Variants in SRGAP3 observed in about 807,000 individuals in gnomAD.
SRGAP3 encodes the protein SLIT-ROBO Rho GTPase activating protein 3, also known as SLIT-ROBO Rho GTPase-activating protein 3.
Under a neutral mutation model 121.1 loss-of-function variants are expected in SRGAP3, and 39 were observed. The ratio of observed to expected loss-of-function variants is 0.32; its 90% CI spans 0.25 to 0.42. SRGAP3 has a LOEUF of 0.42. SRGAP3 is among the 10% of genes least tolerant of loss of function. The probability of loss-of-function intolerance (pLI) is 1.00; values close to 1 mark genes in which losing one functional copy is unlikely to be tolerated. For missense variants in SRGAP3, 1,213 were observed against 1,470.6 expected, an observed-to-expected ratio of 0.82 and a Z score of 2.86; for synonymous variants, 601 against 570.0, an observed-to-expected ratio of 1.05 and a Z score of -0.77.
At chr3:9,163,090 A>G (rs1950652559) in intron 1 of SRGAP3, among the ~76,000 whole-genome samples, 1 of 152,224 alleles carries the variant, frequency 6.6e-6, no homozygotes, top group Non-Finnish European at 1.5e-5. Flanking sequence ...AGGTAGAACA[A>G]TTCCTGGGAC....
chr3:9,093,109 T>C (rs1947822601), intron 3 of SRGAP3, among the ~76,000 whole-genome samples: 1 of 152,174 alleles, frequency 6.6e-6, no homozygotes, highest in Non-Finnish European at 1.5e-5. Flanking sequence ...CTGCTCAGTT[T>C]TGAGAGGCTT....
chr3:9,026,651 A>G (rs1944220638), intron 13 of SRGAP3, among the ~76,000 whole-genome samples: 1 of 152,250 alleles, frequency 6.6e-6, no homozygotes, highest in Admixed American at 6.5e-5. Flanking sequence ...AACTCCATTC[A>G]GTGCTCAAAG....
Position 9,015,606 on chromosome 3 carries a change from A to G in SRGAP3, c.1804T>C (p.Ser602Pro), listed in dbSNP as rs1190196035. 2 of 1,614,168 alleles carry G rather than the reference A, an allele frequency of 1.2e-6. No individual in the cohort carries two copies. The highest frequency in any genetic ancestry group is 1.1e-5 in the South Asian group (1 of 91,086). The change falls in exon 15 of 22, where the codon TCT becomes CCT. Residue 602 changes from serine to proline, a missense_variant. Coordinates refer to ENST00000383836, the MANE Select transcript of SRGAP3 (RefSeq NM_014850.4). ...CCTGGGAAATACTTACTAATAGTAG[A>G]TATCAAATCTTGAAACCTTTCCTTA... is the stretch of plus-strand genomic sequence containing the variant. ...FPKERFQDLI[S>P]TIKLENPAER...
At chr3:9,214,747 T>A (rs774728451) in intron 1 of SRGAP3, among the ~76,000 whole-genome samples, 1 of 152,068 alleles carries the variant, frequency 6.6e-6, no homozygotes, top group Non-Finnish European at 1.5e-5. Flanking sequence ...GGACCAGGAA[T>A]TTGGGGGTAA....
At chr3:9,085,058 T>C (rs1303242100) in intron 3 of SRGAP3, among the ~76,000 whole-genome samples, 1 of 152,222 alleles carries the variant, frequency 6.6e-6, no homozygotes, top group Admixed American at 6.5e-5. Flanking sequence ...TTGTAAATGA[T>C]CTTGTTTGTT....
chr3:9,208,407 C>G (rs1434177598), intron 1 of SRGAP3, among the ~76,000 whole-genome samples: 2 of 152,196 alleles, frequency 1.3e-5, no homozygotes, highest in South Asian at 2.1e-4. Context: ...ATCCAACTGC[C>G]AAGAGTCAGC....
At chr3:9,018,615 A>G (rs1943758260) in intron 14 of SRGAP3, among the ~76,000 whole-genome samples, 1 of 152,218 alleles carries the variant, frequency 6.6e-6, no homozygotes. Flanking sequence ...AAATGGGTGA[A>G]CCTTATGGTG....
At chr3:9,343,007 T>G (rs894382753) in intron 1 of SRGAP3, among the ~76,000 whole-genome samples, 2 of 152,270 alleles carry the variant, frequency 1.3e-5, no homozygotes, top group Non-Finnish European at 2.9e-5. Flanking sequence ...CTCTTCGATC[T>G]TCTCACTGGA....
chr3:9,319,208 C>T (rs1018830219), intron 3 of SRGAP3, among the ~76,000 whole-genome samples: 3 of 151,818 alleles, frequency 2.0e-5, no homozygotes, highest in Non-Finnish European at 4.4e-5. Flanking sequence ...GATTAAAAAG[C>T]CTTGCCTAAA....
chr3:9,177,969 G>A (rs1160422160), intron 1 of SRGAP3, among the ~76,000 whole-genome samples: 2 of 152,162 alleles, frequency 1.3e-5, no homozygotes, highest in African/African-American at 2.4e-5. Flanking sequence ...TGATATGCCT[G>A]AAGAAGGTAA....
At chr3:9,005,143 A>G (rs891597352) in intron 18 of SRGAP3, among the ~76,000 whole-genome samples, 8 of 152,238 alleles carry the variant, frequency 5.3e-5, no homozygotes, top group Admixed American at 2.0e-4. Flanking sequence ...TCTGAAGAAA[A>G]ATATACAAGT....
chr3:9,208,745 C>T (rs1169016549), intron 1 of SRGAP3, among the ~76,000 whole-genome samples: 2 of 152,184 alleles, frequency 1.3e-5, no homozygotes, highest in South Asian at 2.1e-4. Flanking sequence ...GCACAGGGCT[C>T]GGGTGTCAGG....
At chr3:9,266,746 C>T (rs1431397900) in intron 3 of SRGAP3, among the ~76,000 whole-genome samples, 1 of 152,118 alleles carries the variant, frequency 6.6e-6, no homozygotes, top group Non-Finnish European at 1.5e-5. Flanking sequence ...ACTCCCTCCA[C>T]TGCACTCCAT....
chr3:9,250,684 C>T (rs2648521), upstream of SRGAP3, among the ~76,000 whole-genome samples: 17,644 of 151,968 alleles, frequency 0.12, 1,149 homozygotes, highest in East Asian at 0.21. Context: ...CCTTTTATAT[C>T]CCCCAACAAC....
At position 9,218,959 on chromosome 3, in the gene SRGAP3, C is replaced by T. The variant is rs1054239664; in HGVS notation, c.67+29926G>A. ...AAGTGTTGGGATTACAGGCGTGAGCCACTGCGCCCAGCCTATTTTATCTTA... is the reference window on the plus strand; with the variant it reads ...AAGTGTTGGGATTACAGGCGTGAGCTACTGCGCCCAGCCTATTTTATCTTA... On this transcript the variant is annotated intron_variant, in intron 1 of 21. Coordinates refer to ENST00000383836, the MANE Select transcript of SRGAP3 (RefSeq NM_014850.4). This position sits in a 1 kb window ranked among gnomAD's most constrained non-coding sequence, Gnocchi z 5.3. Among the ~76,000 whole-genome samples, 2 of 152,182 alleles carry T rather than the reference C, an allele frequency of 1.3e-5. No individual in the cohort carries two copies. Among genetic ancestry groups the T allele is most frequent in the Non-Finnish European group, 2.9e-5 (2 of 68,044 alleles).
intron 18 of SRGAP3, among the ~76,000 whole-genome samples, chr3:9,004,937 A>G (rs976383727): frequency 6.6e-6 from 1 of 152,248 alleles, no homozygotes; most frequent in Non-Finnish European, 1.5e-5. Flanking sequence ...TCAAAATGAA[A>G]TACTTTTGTG....
intron 1 of SRGAP3, among the ~76,000 whole-genome samples, chr3:9,134,996 T>C (rs144875542): frequency 1.1e-3 from 170 of 152,352 alleles, no homozygotes; most frequent in African/African-American, 3.8e-3. Context: ...GAATGGTATG[T>C]GTTAATGCAA....
chr3:8,985,252 TC>T lies in SRGAP3; in HGVS notation c.*266del. ...GGGAGAAGCCATGTGGTATTTTGCC[TC>T]CATGTTAGGGAATGCTGTGGTTGGG... is the stretch of plus-strand genomic sequence containing the variant. On this transcript the variant is annotated 3_prime_UTR_variant, in exon 22 of 22. Coordinates refer to ENST00000383836, the MANE Select transcript of SRGAP3 (RefSeq NM_014850.4). The surrounding 1 kb of genome is among the most constrained non-coding windows in gnomAD (Gnocchi z 5.1). The T allele has an allele frequency of 1.6e-5, 10 of 620,052 alleles. No individual in the cohort carries two copies. The highest frequency in any genetic ancestry group is 3.5e-5 in the Admixed American group (1 of 28,734). The allele number at this position is 620,052 out of a possible 1,614,324, so 38.4% of individuals were successfully genotyped here.
intron 18 of SRGAP3, among the ~76,000 whole-genome samples, chr3:9,000,403 A>G (rs142251973): frequency 6.6e-6 from 1 of 152,210 alleles, no homozygotes; most frequent in South Asian, 2.1e-4. Flanking sequence ...CTCAGTGGGG[A>G]CATCACTCAG....
Sources: allele counts gnomAD v4.1 joint callset (sites outside exome capture counted in the v4.1 genomes callset), GRCh38; gene constraint gnomAD v4.1.1; non-coding constraint Gnocchi (gnomAD v3.1); transcripts MANE v1.5; gene names NCBI Gene and HGNC (gene_info 2026-07-23, HGNC 2026-07-21).